Variants in PCBP3 observed in about 807,000 individuals in gnomAD.
PCBP3 encodes the protein poly(rC) binding protein 3.
Under a neutral mutation model 52.7 loss-of-function variants are expected in PCBP3, and 25 were observed. The observed-to-expected ratio is 0.47, with a 90% confidence interval of 0.35 to 0.66. PCBP3 has a LOEUF of 0.66. Among genes scored for constraint, PCBP3 ranks in the 30% least tolerant of loss-of-function variants. The pLI is 0.01. For missense variants in PCBP3, 391 were observed against 490.3 expected (o/e 0.80, Z 1.91); for synonymous variants, 162 against 183.0 (o/e 0.89, Z 0.93).
intron 1 of PCBP3, among the ~76,000 whole-genome samples, chr21:45,653,839 A>AT (rs934337317): frequency 4.6e-5 from 7 of 151,664 alleles, no homozygotes; most frequent in Non-Finnish European, 5.9e-5. Flanking sequence ...TGATAATGTG[A>AT]TTTTTTGAAA....
At position 45,707,559 on chromosome 21, in the gene PCBP3, T is replaced by G. The variant is rs1397349487; in HGVS notation, c.-199-27833T>G. The stretch of plus-strand genomic sequence containing the variant: ...AATAATAAAATAAATAAAATGTAGT[T>G]TCTGACCCAGTGGATGTGAGGCGTG... On this transcript the variant is annotated intron_variant, in intron 2 of 17. Coordinates refer to ENST00000681687, the MANE Select transcript of PCBP3 (RefSeq NM_001384156.1). Among the ~76,000 whole-genome samples the G allele has an allele frequency of 2.6e-5, 4 of 152,228 alleles. No homozygotes were observed. In the East Asian group the frequency reaches 7.7e-4, roughly 29 times the overall value.
chr21:45,876,547 C>T (rs1174339046), intron 5 of PCBP3, among the ~76,000 whole-genome samples: 2 of 152,168 alleles, frequency 1.3e-5, no homozygotes, highest in Non-Finnish European at 2.9e-5. Context: ...CTGTGTAAGC[C>T]CTGGATGGCC....
intron 4 of PCBP3, among the ~76,000 whole-genome samples, chr21:45,823,025 C>T (rs2093191045): frequency 6.6e-6 from 1 of 152,162 alleles, no homozygotes; most frequent in Non-Finnish European, 1.5e-5. Flanking sequence ...ATGCTGTCCT[C>T]TTATAGGACA....
In PCBP3 at chr21:45,802,890, A is replaced by G. The variant is rs1036986010; in HGVS notation, c.-125-47071A>G. On this transcript the variant is annotated intron_variant, in intron 4 of 17. Transcript: ENST00000681687. The surrounding 1 kb of genome is among the most constrained non-coding windows in gnomAD (Gnocchi z 5.1). ...CCTTGTCGTGTATAAACGACTCACTAGGTCTTGGTGCATTTTTCATTGATA... is the reference window on the plus strand; with the variant it reads ...CCTTGTCGTGTATAAACGACTCACTGGGTCTTGGTGCATTTTTCATTGATA... Among the ~76,000 whole-genome samples, 24 of 152,166 alleles carry G rather than the reference A, an allele frequency of 1.6e-4. No homozygotes were observed. Among genetic ancestry groups the G allele is most frequent in the Admixed American group, 1.6e-3 (24 of 15,282 alleles).
chr21:45,826,995 G>A (rs1015016512), intron 4 of PCBP3, among the ~76,000 whole-genome samples: 1 of 152,128 alleles, frequency 6.6e-6, no homozygotes, highest in Admixed American at 6.5e-5. Flanking sequence ...GGGGCATCAA[G>A]GAGGCTGACA....
At chr21:45,851,609 AGATG>A (rs1208882727) in intron 5 of PCBP3, among the ~76,000 whole-genome samples, 1 of 149,434 alleles carries the variant, frequency 6.7e-6, no homozygotes, top group African/African-American at 2.5e-5. Flanking sequence ...AAATAAATAT[AGATG>A]GATGGATAGA....
intron 4 of PCBP3, among the ~76,000 whole-genome samples, chr21:45,839,151 C>T (rs942499263): frequency 6.6e-6 from 1 of 151,994 alleles, no homozygotes; most frequent in African/African-American, 2.4e-5. Context: ...TATTATCACT[C>T]TCTATATAAT....
chr21:45,822,007 G>C (rs1176490978), intron 4 of PCBP3, among the ~76,000 whole-genome samples: 1 of 152,210 alleles, frequency 6.6e-6, no homozygotes, highest in African/African-American at 2.4e-5. Flanking sequence ...CTTGAGAAAT[G>C]ATATTCCACA....
chr21:45,863,910 G>A (rs1204796303), intron 5 of PCBP3, among the ~76,000 whole-genome samples: 5 of 152,170 alleles, frequency 3.3e-5, no homozygotes, highest in South Asian at 2.1e-4. Flanking sequence ...AGCCGTGCAC[G>A]ATGCGTTACG....
intron 6 of PCBP3, among the ~76,000 whole-genome samples, chr21:45,896,758 G>A (rs2095841523): frequency 1.3e-5 from 2 of 148,824 alleles, no homozygotes; most frequent in Non-Finnish European, 3.0e-5. Context: ...AGGCAGACAT[G>A]GCACATAGAA....
chr21:45,697,196 T>C (rs2082833080), intron 2 of PCBP3, among the ~76,000 whole-genome samples: 1 of 152,206 alleles, frequency 6.6e-6, no homozygotes, highest in Admixed American at 6.5e-5. Context: ...AGAAATTTCC[T>C]AGAAGCTTTA....
intron 4 of PCBP3, chr21:45,828,648 A>C (rs2093367770): frequency 6.6e-6 from 1 of 152,556 alleles, no homozygotes; most frequent in Non-Finnish European, 1.5e-5. Flanking sequence ...CATTTCCATG[A>C]AAGGCGGATG....
rs2093668533 is a variant in PCBP3 at position 45,840,148 on chromosome 21, TATA to T, written c.-125-9812_-125-9810del. Among the ~76,000 whole-genome samples the T allele has an allele frequency of 2.6e-5, 4 of 152,036 alleles. No individual in the cohort carries two copies. The South Asian group carries it at 8.3e-4, about 32-fold the overall frequency. On this transcript the variant is annotated intron_variant, in intron 4 of 17. Transcript: ENST00000681687. Reference sequence around the variant, plus strand: ...AGTACTATAAAAAAATTTAAAAGTTTATAGAGTAAAAATGTTACAGTAGGCTGG... The same window carrying T: ...AGTACTATAAAAAAATTTAAAAGTTTGAGTAAAAATGTTACAGTAGGCTGG...
intron 4 of PCBP3, among the ~76,000 whole-genome samples, chr21:45,834,674 C>T (rs2093538893): frequency 6.6e-6 from 1 of 152,186 alleles, no homozygotes; most frequent in Admixed American, 6.5e-5. Flanking sequence ...TGGAAGTAGG[C>T]CAATAGACTC....
chr21:45,927,586 C>T (rs553645124), intron 13 of PCBP3, among the ~76,000 whole-genome samples: 1 of 151,764 alleles, frequency 6.6e-6, no homozygotes, highest in African/African-American at 2.4e-5. Context: ...CCCATCCTCT[C>T]CACAGATGCT....
chr21:45,784,471 C>CTACCTCT (rs1603424249), intron 4 of PCBP3, among the ~76,000 whole-genome samples: 2 of 133,218 alleles, frequency 1.5e-5, no homozygotes, highest in East Asian at 4.1e-4. Context: ...CTCCTACCTC[C>CTACCTCT]TACCTCTACC....
At chr21:45,728,671 T>C (rs1334599168) in intron 2 of PCBP3, 1 of 152,202 alleles carries the variant, frequency 6.6e-6, no homozygotes, top group Non-Finnish European at 1.5e-5. Flanking sequence ...TATTTTATTT[T>C]ATAGAATTCA....
rs934520438 is a variant in PCBP3 at position 45,743,146 on chromosome 21, A to G, written c.-162+7717A>G. 5.3e-5 allele frequency among the ~76,000 whole-genome samples: 8 copies of G among 152,196 alleles called. No individual in the cohort carries two copies. The East Asian group carries it at 1.3e-3, about 26-fold the overall frequency. On this transcript the variant is annotated intron_variant, in intron 3 of 17. Transcript: ENST00000681687. ...TATCTTTCAAATTTTTTTCCAACTA[A>G]TTTGTGTTATTTGGTTATTGTAATT...
At chr21:45,772,318 T>A (rs751621271) in intron 4 of PCBP3, among the ~76,000 whole-genome samples, 1 of 152,240 alleles carries the variant, frequency 6.6e-6, no homozygotes, top group Non-Finnish European at 1.5e-5. Flanking sequence ...ATAAGATATT[T>A]GTCTTTTTGT....
Sources: gnomAD v4.1 joint callset for allele counts (sites outside exome capture counted in the v4.1 genomes callset) on GRCh38, gnomAD v4.1.1 for gene constraint, Gnocchi (gnomAD v3.1) non-coding constraint, MANE v1.5 for transcripts, NCBI Gene and HGNC (gene_info 2026-07-23, HGNC 2026-07-21) for gene names.